The following CSGALNACT1 variants were observed in gnomAD, a reference collection of about 807,000 sequenced individuals.
CSGALNACT1 encodes chondroitin sulfate N-acetylgalactosaminyltransferase 1.
A neutral mutation model predicts 51.0 loss-of-function variants in CSGALNACT1; 52 were observed. The ratio of observed to expected loss-of-function variants is 1.02; its 90% CI spans 0.82 to 1.29. The LOEUF is 1.29. CSGALNACT1 is among the 50% of genes most tolerant of loss of function. The pLI is 0.00. For synonymous variants in CSGALNACT1, 341 were observed against 254.4 expected (o/e 1.34, Z -3.24); for missense variants, 935 against 679.2 (o/e 1.38, Z -4.19).
At chr8:19,489,749 CT>C (rs1326673083) in intron 4 of CSGALNACT1, among the ~76,000 whole-genome samples, 1 of 152,176 alleles carries the variant, frequency 6.6e-6, no homozygotes. Flanking sequence ...ACGATGACAT[CT>C]TTCCTTAGCC....
At chr8:19,471,179 C>T (rs760531332) in intron 4 of CSGALNACT1, among the ~76,000 whole-genome samples, 22 of 152,046 alleles carry the variant, frequency 1.4e-4, no homozygotes, top group Non-Finnish European at 2.4e-4. Context: ...GCACACTCCA[C>T]CGGAAAAGGG....
At chr8:19,626,417 C>A (rs1013385101) in intron 1 of CSGALNACT1, among the ~76,000 whole-genome samples, 3 of 152,098 alleles carry the variant, frequency 2.0e-5, no homozygotes, top group Non-Finnish European at 2.9e-5. Context: ...ATCTAAACCA[C>A]ACCTTTAACA....
chr8:19,433,948 G>T (rs533809073), intron 6 of CSGALNACT1, among the ~76,000 whole-genome samples: 2 of 152,132 alleles, frequency 1.3e-5, no homozygotes, highest in African/African-American at 4.8e-5. Flanking sequence ...CCAGGCTGTG[G>T]TGATCACTGT....
At chr8:19,525,144 G>A (rs984369012) in intron 3 of CSGALNACT1, among the ~76,000 whole-genome samples, 1 of 152,146 alleles carries the variant, frequency 6.6e-6, no homozygotes, top group Non-Finnish European at 1.5e-5. Context: ...ATATATATCT[G>A]CCAGGCCTGG....
intron 1 of CSGALNACT1, among the ~76,000 whole-genome samples, chr8:19,726,652 C>A (rs899415645): frequency 9.9e-5 from 15 of 152,014 alleles, no homozygotes; most frequent in Non-Finnish European, 2.2e-4. Flanking sequence ...ACTATAGTCA[C>A]CATGTACAAA....
chr8:19,505,755 G>C lies in CSGALNACT1; in HGVS notation c.80C>G (p.Ser27Cys), dbSNP rs1438795710. The change falls in exon 4 of 10, where the codon TCT becomes TGT. Residue 27 changes from serine to cysteine, a missense_variant. Physicochemically the swap from Ser to Cys is moderately radical, Grantham distance 112. Transcript: ENST00000454498. ...GGTGCAGGCCAACATGTACAGGACAGAGATAGCACAGCAGAGGAGCACCAG... is the reference window on the plus strand; with the variant it reads ...GGTGCAGGCCAACATGTACAGGACACAGATAGCACAGCAGAGGAGCACCAG... 16 of 1,614,164 alleles carry C rather than the reference G, an allele frequency of 9.9e-6. No individual in the cohort carries two copies. Among genetic ancestry groups the C allele is most frequent in the South Asian group, 2.2e-5 (2 of 91,092 alleles).
At chr8:19,451,143 G>C (rs4273863) in intron 5 of CSGALNACT1, among the ~76,000 whole-genome samples, 17 of 152,218 alleles carry the variant, frequency 1.1e-4, no homozygotes, top group African/African-American at 4.1e-4. Context: ...CTTAAATGAA[G>C]GCCCTTAGGG....
intron 4 of CSGALNACT1, among the ~76,000 whole-genome samples, chr8:19,475,487 G>A (rs186906616): frequency 6.6e-6 from 1 of 152,192 alleles, no homozygotes; most frequent in African/African-American, 2.4e-5. Flanking sequence ...AGTTTTGAAG[G>A]AAAGCCCCCG....
chr8:19,540,798 G>A (rs996092089), intron 3 of CSGALNACT1, among the ~76,000 whole-genome samples: 8 of 151,998 alleles, frequency 5.3e-5, no homozygotes, highest in Non-Finnish European at 1.0e-4. Flanking sequence ...TCCCTCCACC[G>A]GATCATCTTT....
chr8:19,592,712 C>T (rs2048090690), intron 2 of CSGALNACT1, among the ~76,000 whole-genome samples: 1 of 152,134 alleles, frequency 6.6e-6, no homozygotes, highest in African/African-American at 2.4e-5. Context: ...CAAGATCGCA[C>T]CACTGTGCCA....
rs371132091 is a variant in CSGALNACT1, at chr8:19,458,413, C to T, written c.851+13G>A. On this transcript the variant is annotated intron_variant, in intron 5 of 9. Transcript: ENST00000454498. ...TCATGCGGAGGAAGATAAACACGTG[C>T]GAACAAACCAACCTGAAATTCTGCA... 181 of 1,607,892 alleles carry T rather than the reference C, an allele frequency of 1.1e-4. No individual in the cohort carries two copies. The highest frequency in any genetic ancestry group is 1.5e-4 in the Non-Finnish European group (178 of 1,174,450).
chr8:19,598,113 G>A (rs148407736), intron 2 of CSGALNACT1, among the ~76,000 whole-genome samples: 2 of 152,196 alleles, frequency 1.3e-5, no homozygotes, highest in Admixed American at 1.3e-4. Context: ...AGGAGAGAAG[G>A]TGAAGCACAG....
At chr8:19,539,691 A>T (rs2084628982) in intron 3 of CSGALNACT1, among the ~76,000 whole-genome samples, 1 of 152,220 alleles carries the variant, frequency 6.6e-6, no homozygotes, top group Non-Finnish European at 1.5e-5. Flanking sequence ...ATGCACAGTG[A>T]TATGTGACAC....
At chr8:19,528,168 G>A (rs996974624) in intron 3 of CSGALNACT1, among the ~76,000 whole-genome samples, 2 of 151,944 alleles carry the variant, frequency 1.3e-5, no homozygotes, top group African/African-American at 4.8e-5. Context: ...GGCTAATTCT[G>A]TAGCCCATTT....
At chr8:19,453,832 A>C (rs2063605014) in intron 5 of CSGALNACT1, among the ~76,000 whole-genome samples, 1 of 152,092 alleles carries the variant, frequency 6.6e-6, no homozygotes, top group Non-Finnish European at 1.5e-5. Flanking sequence ...GAAGCACTTG[A>C]ACCTGGGAGG....
chr8:19,434,477 A>G (rs555512316), intron 6 of CSGALNACT1, among the ~76,000 whole-genome samples: 15 of 152,216 alleles, frequency 9.9e-5, no homozygotes, highest in South Asian at 4.1e-4. Context: ...CCTTGAAGAC[A>G]TGCATCTCCC....
At chr8:19,649,248 T>C (rs1032740324) in intron 1 of CSGALNACT1, among the ~76,000 whole-genome samples, 3 of 152,180 alleles carry the variant, frequency 2.0e-5, no homozygotes, top group African/African-American at 7.2e-5. Flanking sequence ...TTCTTAGGTA[T>C]GACTACAAAG....
chr8:19,499,605 A>G (rs2076069209), intron 4 of CSGALNACT1, among the ~76,000 whole-genome samples: 1 of 152,204 alleles, frequency 6.6e-6, no homozygotes, highest in Non-Finnish European at 1.5e-5. Flanking sequence ...CTCTGTGCAG[A>G]GGCTCCATCT....
intron 4 of CSGALNACT1, among the ~76,000 whole-genome samples, chr8:19,476,444 G>A (rs946489904): frequency 1.3e-5 from 2 of 152,134 alleles, no homozygotes; most frequent in Non-Finnish European, 2.9e-5. Flanking sequence ...GTTTCGCCAT[G>A]TTGGCCAAGC....
Sources: gnomAD v4.1 joint callset for allele counts (sites outside exome capture counted in the v4.1 genomes callset) on GRCh38, gnomAD v4.1.1 for gene constraint, MANE v1.5 for transcripts, NCBI Gene and HGNC (gene_info 2026-07-23, HGNC 2026-07-21) for gene names.